Variants in SMOC1 observed in about 807,000 individuals in gnomAD.
The protein encoded by SMOC1 is SPARC related modular calcium binding 1.
In SMOC1, 22 loss-of-function variants were observed where a neutral mutation model predicts 56.3. The ratio of observed to expected loss-of-function variants is 0.39; its 90% CI spans 0.28 to 0.56. SMOC1 has a LOEUF of 0.56. SMOC1 is among the 20% of genes least tolerant of loss of function. The pLI is 0.61. For missense variants in SMOC1, 509 were observed against 565.4 expected, an observed-to-expected ratio of 0.90 and a Z score of 1.01; for synonymous variants, 193 against 215.0, an observed-to-expected ratio of 0.90 and a Z score of 0.89.
intron 3 of SMOC1, among the ~76,000 whole-genome samples, chr14:69,964,848 G>C (rs1883509115): frequency 6.6e-6 from 1 of 152,030 alleles, no homozygotes; most frequent in Admixed American, 6.5e-5. Context: ...AGCTTGCCCA[G>C]GGTCTCACAG....
intron 1 of SMOC1, among the ~76,000 whole-genome samples, chr14:69,892,008 TA>T (rs1042386689): frequency 6.6e-5 from 10 of 152,074 alleles, no homozygotes; most frequent in African/African-American, 2.2e-4. Context: ...GGTAAGTTTT[TA>T]AAAAAAATAC....
rs539133563 is a variant in SMOC1 at position 69,976,963 on chromosome 14, T to C, written c.479-955T>C. ...AGGTCAAAAAGGGAAGTTTACTTTA[T>C]TTGTGGTTTACATGGAAACTAGAAA... On this transcript the variant is annotated intron_variant, in intron 4 of 11. Coordinates refer to ENST00000361956, the MANE Select transcript of SMOC1 (RefSeq NM_001034852.3). Among the ~76,000 whole-genome samples, 5 of 152,312 alleles carry C rather than the reference T, an allele frequency of 3.3e-5. No individual in the cohort carries two copies. The South Asian group carries it at 1.0e-3, about 32-fold the overall frequency.
intron 1 of SMOC1, among the ~76,000 whole-genome samples, chr14:69,951,156 G>A (rs1882981969): frequency 1.3e-5 from 2 of 152,246 alleles, no homozygotes; most frequent in East Asian, 1.9e-4. Flanking sequence ...GGGTTGTTAG[G>A]CTTCTTACAC....
Position 70,011,559 on chromosome 14 carries a change from A to T in SMOC1, c.932A>T (p.Glu311Val), listed in dbSNP as rs142050630. ...GCGGATGACCCCTTCAAGGACAGGG[A>T]GCTACCAGGTGGGAGACGATGCTGC... ...TEADDPFKDRELPGCPEGKKM... is the reference protein window; with the variant it reads ...TEADDPFKDRVLPGCPEGKKM... Residue 311 changes from glutamate to valine, a missense_variant, in exon 9 of 12, where the codon GAG becomes GTG. This residue lies in a region of SMOC1 where 176 missense variants were observed against 188.1 expected (regional missense o/e 0.94). Transcript: ENST00000361956. The T allele has an allele frequency of 8.1e-6, 13 of 1,605,690 alleles. No individual in the cohort carries two copies. The African/African-American group carries it at 1.5e-4, about 18-fold the overall frequency.
chr14:70,028,832 C>T (rs538775850), intron 11 of SMOC1, among the ~76,000 whole-genome samples: 10 of 152,268 alleles, frequency 6.6e-5, no homozygotes, highest in Admixed American at 3.3e-4. Flanking sequence ...CGATATCCAC[C>T]CCACGCCCAC....
At chr14:70,018,105 A>G (rs1380385607) in intron 10 of SMOC1, among the ~76,000 whole-genome samples, 2 of 152,130 alleles carry the variant, frequency 1.3e-5, no homozygotes, top group African/African-American at 4.8e-5. Context: ...AGCTGGTGCC[A>G]GGCCCTGGGA....
At chr14:69,881,625 TTC>T (rs1284640132) in intron 1 of SMOC1, among the ~76,000 whole-genome samples, 2 of 152,250 alleles carry the variant, frequency 1.3e-5, no homozygotes, top group Middle Eastern at 6.8e-3. Context: ...CTCTCTCTCC[TTC>T]TTTCTTTTTT....
intron 4 of SMOC1, 109 bp from the exon 5 acceptor site, chr14:69,977,809 A>G (rs1380646279): frequency 6.0e-6 from 5 of 834,672 alleles, no homozygotes; most frequent in Non-Finnish European, 1.1e-5. Context: ...TATACAATAC[A>G]TATATACATG....
At chr14:69,983,789 C>T (rs1451888398) in intron 5 of SMOC1, among the ~76,000 whole-genome samples, 2 of 152,206 alleles carry the variant, frequency 1.3e-5, no homozygotes, top group Non-Finnish European at 1.5e-5. Flanking sequence ...TGTGGCACAG[C>T]AGCTTGCAGA....
intron 1 of SMOC1, among the ~76,000 whole-genome samples, chr14:69,917,275 G>T (rs1167244111): frequency 6.6e-6 from 1 of 152,200 alleles, no homozygotes; most frequent in Non-Finnish European, 1.5e-5. Flanking sequence ...TTTCAAAGTG[G>T]AACATTCAGG....
At chr14:69,928,697 G>T (rs1885083630) in intron 1 of SMOC1, among the ~76,000 whole-genome samples, 2 of 152,028 alleles carry the variant, frequency 1.3e-5, no homozygotes, top group South Asian at 4.2e-4. Flanking sequence ...ATATCAATTT[G>T]GGAGGAAAGT....
At chr14:70,009,799 T>C (rs1351789027) in intron 7 of SMOC1, among the ~76,000 whole-genome samples, 1 of 152,216 alleles carries the variant, frequency 6.6e-6, no homozygotes, top group Non-Finnish European at 1.5e-5. Context: ...TTTGGCAGGA[T>C]TATAGGTTTT....
intron 1 of SMOC1, among the ~76,000 whole-genome samples, chr14:69,921,195 T>A (rs1365064494): frequency 6.6e-6 from 1 of 152,108 alleles, no homozygotes; most frequent in Non-Finnish European, 1.5e-5. Context: ...GAGGCCATGG[T>A]CAGAGTGAGC....
chr14:69,997,715 G>C (rs904316796), intron 7 of SMOC1, among the ~76,000 whole-genome samples: 16 of 152,088 alleles, frequency 1.1e-4, no homozygotes. Context: ...ATCATATTTG[G>C]TTTAATGAGA....
At position 69,953,394 on chromosome 14, in the gene SMOC1, T is replaced by A. The variant is rs138322563; in HGVS notation, c.266-26T>A. The A allele has an allele frequency of 1.6e-4, 257 of 1,608,880 alleles. No homozygotes were observed. In the African/African-American group the frequency reaches 2.9e-3, roughly 18 times the overall value. ...CCCAGTGTCGAATCCAAGTGAAATA[T>A]GAAATCTGCTCCTCTCCTCTTTCAG... is the stretch of plus-strand genomic sequence containing the variant. On this transcript the variant is annotated intron_variant, in intron 2 of 11. Transcript: ENST00000361956.
At chr14:70,004,557 G>A (rs1885080748) in intron 7 of SMOC1, among the ~76,000 whole-genome samples, 1 of 152,224 alleles carries the variant, frequency 6.6e-6, no homozygotes. Flanking sequence ...CCAGTCTGCT[G>A]ACCTGACCTA....
chr14:69,920,068 A>G (rs906802383), intron 1 of SMOC1, among the ~76,000 whole-genome samples: 4 of 152,060 alleles, frequency 2.6e-5, no homozygotes, highest in African/African-American at 9.7e-5. Context: ...TATGGACTGG[A>G]TTTAGTAAAG....
rs140435784 is a variant in SMOC1, at chr14:69,947,409, A to T, written c.100-4729A>T. Among the ~76,000 whole-genome samples the T allele has an allele frequency of 7.3e-4, 111 of 152,172 alleles. 1 individual carries two copies. The East Asian group carries it at 0.019, about 26-fold the overall frequency. ...GGTCTTGAACTCCTGGGCTCAAGCA[A>T]TCCCACCTTCTTGACCTCCCAAAGT... On this transcript the variant is annotated intron_variant, in intron 1 of 11. Coordinates refer to ENST00000361956, the MANE Select transcript of SMOC1 (RefSeq NM_001034852.3).
At chr14:69,993,684 T>C (rs1884653475) in intron 6 of SMOC1, among the ~76,000 whole-genome samples, 1 of 152,234 alleles carries the variant, frequency 6.6e-6, no homozygotes. Context: ...TAGATGTAGA[T>C]GTCTCTGTGA....
Sources: allele counts gnomAD v4.1 joint callset (sites outside exome capture counted in the v4.1 genomes callset), GRCh38; gene constraint gnomAD v4.1.1; regional missense constraint gnomAD v4.1.1; transcripts MANE v1.5; gene names NCBI Gene and HGNC (gene_info 2026-07-23, HGNC 2026-07-21).